The following NDUFAF2 variants were observed in gnomAD, a reference collection of about 807,000 sequenced individuals.
The protein encoded by NDUFAF2 is NADH dehydrogenase [ubiquinone] 1 alpha subcomplex assembly factor 2.
In NDUFAF2, 13 loss-of-function variants were observed where a neutral mutation model predicts 22.8. The observed-to-expected ratio is 0.57, with a 90% confidence interval of 0.37 to 0.91. The LOEUF (loss-of-function observed/expected upper bound fraction) is 0.91. Ranked by LOEUF, NDUFAF2 falls within the 40% of genes least tolerant of loss-of-function variation. The probability of loss-of-function intolerance (pLI) is 0.01; values close to 1 mark genes in which losing one functional copy is unlikely to be tolerated. For synonymous variants in NDUFAF2, 53 were observed against 64.2 expected (o/e 0.83, Z 0.84); for missense variants, 162 against 195.2 (o/e 0.83, Z 1.01).
At chr5:61,105,156 A>G (rs1752747458) in intron 3 of NDUFAF2, among the ~76,000 whole-genome samples, 2 of 146,812 alleles carry the variant, frequency 1.4e-5, no homozygotes. Flanking sequence ...CCCTGCAGCT[A>G]TTTTTTTGTT....
chr5:61,074,858 C>T (rs1752348587), intron 2 of NDUFAF2, among the ~76,000 whole-genome samples: 1 of 152,162 alleles, frequency 6.6e-6, no homozygotes, highest in Non-Finnish European at 1.5e-5. Flanking sequence ...GGGGAGGCCT[C>T]AGGAAATTTA....
intron 1 of NDUFAF2, among the ~76,000 whole-genome samples, chr5:61,071,165 G>C (rs1752294234): frequency 2.0e-5 from 3 of 152,140 alleles, no homozygotes; most frequent in South Asian, 4.1e-4. Flanking sequence ...AGTTGTCATT[G>C]TTATATGCTC....
At chr5:61,000,932 A>G (rs865774848) in intron 1 of NDUFAF2, among the ~76,000 whole-genome samples, 1 of 152,166 alleles carries the variant, frequency 6.6e-6, no homozygotes, top group Non-Finnish European at 1.5e-5. Flanking sequence ...TTAAGTTTAA[A>G]TAAGAGAGAG....
chr5:60,985,879 G>A (rs1444125171), intron 1 of NDUFAF2, among the ~76,000 whole-genome samples: 1 of 152,134 alleles, frequency 6.6e-6, no homozygotes, highest in Non-Finnish European at 1.5e-5. Context: ...TTCAAGATGA[G>A]ATTTGGGTGG....
intron 1 of NDUFAF2, among the ~76,000 whole-genome samples, chr5:60,947,778 AAAAAAC>A (rs1417765194): frequency 6.6e-6 from 1 of 151,744 alleles, no homozygotes; most frequent in Non-Finnish European, 1.5e-5. Context: ...AAAAAAAAAA[AAAAAAC>A]AAGCCCAAAA....
chr5:61,032,263 G>A (rs1751736805), intron 1 of NDUFAF2, among the ~76,000 whole-genome samples: 2 of 152,272 alleles, frequency 1.3e-5, no homozygotes, highest in Non-Finnish European at 2.9e-5. Context: ...GGCTTGTGTT[G>A]CCATTGCCTT....
chr5:61,050,433 A>C (rs1263273542), intron 1 of NDUFAF2: 1 of 152,090 alleles, frequency 6.6e-6, no homozygotes, highest in Admixed American at 6.5e-5. Flanking sequence ...TTTCTACTCT[A>C]TTGTTGCGCA....
chr5:61,017,599 A>G (rs764160796), intron 1 of NDUFAF2, among the ~76,000 whole-genome samples: 10 of 152,172 alleles, frequency 6.6e-5, no homozygotes, highest in Non-Finnish European at 1.0e-4. Context: ...AAATATAAAC[A>G]TTAGTAAAAA....
chr5:61,150,336 T>C (rs1165577665), intron 3 of NDUFAF2, among the ~76,000 whole-genome samples: 1 of 152,208 alleles, frequency 6.6e-6, no homozygotes. Flanking sequence ...AGTTTTGTTT[T>C]TTCAGAAAAA....
chr5:61,101,537 C>T (rs956554609), intron 3 of NDUFAF2, among the ~76,000 whole-genome samples: 1 of 152,114 alleles, frequency 6.6e-6, no homozygotes, highest in Non-Finnish European at 1.5e-5. Flanking sequence ...TTTTGCTGAT[C>T]TTATGTTCCT....
chr5:61,122,611 C>T (rs1561571756), intron 3 of NDUFAF2, among the ~76,000 whole-genome samples: 1 of 152,154 alleles, frequency 6.6e-6, no homozygotes, highest in Non-Finnish European at 1.5e-5. Context: ...TTTGTCTCCC[C>T]ATTTGTATGG....
At chr5:61,120,975 A>G (rs911061339) in intron 3 of NDUFAF2, among the ~76,000 whole-genome samples, 3 of 152,070 alleles carry the variant, frequency 2.0e-5, no homozygotes, top group Non-Finnish European at 4.4e-5. Context: ...CTTGCTGATC[A>G]CTTTTATCAG....
intron 1 of NDUFAF2, among the ~76,000 whole-genome samples, chr5:60,952,049 C>T (rs1192735396): frequency 6.6e-6 from 1 of 151,198 alleles, no homozygotes; most frequent in Non-Finnish European, 1.5e-5. Context: ...AATGTTTGTA[C>T]AATTTGTAGT....
chr5:61,051,729 T>C (rs1375772808), intron 1 of NDUFAF2, among the ~76,000 whole-genome samples: 2 of 152,198 alleles, frequency 1.3e-5, no homozygotes, highest in Non-Finnish European at 2.9e-5. Flanking sequence ...GATCATTCTC[T>C]TCCTTCTTCC....
chr5:60,998,901 T>G (rs1233874032), intron 1 of NDUFAF2, among the ~76,000 whole-genome samples: 2 of 152,068 alleles, frequency 1.3e-5, no homozygotes. Context: ...TTTTTTTTAA[T>G]TTTTGAGAAT....
intron 1 of NDUFAF2, among the ~76,000 whole-genome samples, chr5:60,967,537 T>C (rs1750773747): frequency 6.6e-6 from 1 of 151,926 alleles, no homozygotes; most frequent in Admixed American, 6.6e-5. Context: ...GTTGGAAGTT[T>C]TTTTTTTATC....
intron 1 of NDUFAF2, among the ~76,000 whole-genome samples, chr5:61,000,515 A>G (rs76535696): frequency 0.024 from 3,653 of 152,288 alleles, 61 homozygotes; most frequent in Non-Finnish European, 0.037. Context: ...TTGTTAAGAA[A>G]GTATACTATA....
intron 1 of NDUFAF2, among the ~76,000 whole-genome samples, chr5:60,987,017 A>C (rs539009147): frequency 1.3e-5 from 2 of 151,986 alleles, no homozygotes; most frequent in East Asian, 3.9e-4. Flanking sequence ...GAAAGAATTA[A>C]TAATATAGAC....
intron 1 of NDUFAF2, among the ~76,000 whole-genome samples, chr5:61,018,166 TATC>T (rs1407946380): frequency 6.6e-6 from 1 of 152,228 alleles, no homozygotes; most frequent in Non-Finnish European, 1.5e-5. Flanking sequence ...TATTTATGCC[TATC>T]ATATTTATAT....
Sources: allele counts gnomAD v4.1 joint callset (sites outside exome capture counted in the v4.1 genomes callset), GRCh38; gene constraint gnomAD v4.1.1; transcripts MANE v1.5; gene names NCBI Gene and HGNC (gene_info 2026-07-23, HGNC 2026-07-21).